The following NWD2 variants were observed in gnomAD, a reference collection of about 807,000 sequenced individuals.
NWD2 encodes NACHT and WD repeat domain containing 2, also known as NACHT and WD repeat domain-containing protein 2.
NWD2 carries 37 observed loss-of-function variants against 132.7 expected under a neutral mutation model. The observed-to-expected ratio is 0.28, with a 90% CI of 0.21 to 0.37. The LOEUF (loss-of-function observed/expected upper bound fraction) is 0.37. NWD2 is among the 10% of genes least tolerant of loss of function. The pLI is 1.00. For synonymous variants in NWD2, 705 were observed against 803.0 expected (o/e 0.88, Z 2.06); for missense variants, 1,592 against 2,122.4 (o/e 0.75, Z 4.91).
At chr4:37,296,590 G>T (rs1298576027) in intron 1 of NWD2, among the ~76,000 whole-genome samples, 1 of 152,128 alleles carries the variant, frequency 6.6e-6, no homozygotes, top group African/African-American at 2.4e-5. Context: ...TAACACAGGA[G>T]TAGAAACCCA....
chr4:37,279,587 TTATA>T (rs1022346717), intron 1 of NWD2, among the ~76,000 whole-genome samples: 2 of 152,194 alleles, frequency 1.3e-5, no homozygotes, highest in African/African-American at 4.8e-5. Flanking sequence ...ATATTTTACT[TTATA>T]TATCTTGTTA....
At chr4:37,336,863 T>C (rs567713639) in intron 2 of NWD2, among the ~76,000 whole-genome samples, 3 of 144,318 alleles carry the variant, frequency 2.1e-5, no homozygotes, top group East Asian at 2.1e-4. Flanking sequence ...CGCTTGAAAC[T>C]GGAAGGCGGA....
At chr4:37,409,248 G>A (rs1032834546) in intron 3 of NWD2, among the ~76,000 whole-genome samples, 1 of 151,962 alleles carries the variant, frequency 6.6e-6, no homozygotes, top group African/African-American at 2.4e-5. Context: ...TCACAAGGAA[G>A]CTAAAAACCT....
intron 3 of NWD2, among the ~76,000 whole-genome samples, chr4:37,377,969 A>C (rs538788519): frequency 6.6e-6 from 1 of 152,322 alleles, no homozygotes; most frequent in South Asian, 2.1e-4. Context: ...ATCATTCTAC[A>C]TTGTAAACAT....
At chr4:37,273,187 T>C (rs962063487) in intron 1 of NWD2, among the ~76,000 whole-genome samples, 2 of 151,902 alleles carry the variant, frequency 1.3e-5, no homozygotes, top group African/African-American at 4.8e-5. Context: ...TTAACAGATT[T>C]TTTTATTGCC....
chr4:37,374,170 C>G (rs936729494), intron 3 of NWD2, among the ~76,000 whole-genome samples: 1 of 152,170 alleles, frequency 6.6e-6, no homozygotes, highest in Non-Finnish European at 1.5e-5. Context: ...TGAGTTCTTG[C>G]CCTATTAGTT....
intron 2 of NWD2, among the ~76,000 whole-genome samples, chr4:37,344,400 G>T (rs1225462074): frequency 6.6e-6 from 1 of 152,072 alleles, no homozygotes; most frequent in Non-Finnish European, 1.5e-5. Flanking sequence ...ATTTAAGGGA[G>T]AAAAGCTGGA....
In NWD2 at chr4:37,356,380, C is replaced by T; in HGVS notation, c.255C>T (p.Tyr85=). ...YGLEFQVIDL[Y]WGVEEDEWDS... Reference sequence around the variant, plus strand: ...TCTGTCCCCAGGTCATAGATCTGTACTGGGGAGTGGAAGAAGATGAGTGGG... The same window carrying T: ...TCTGTCCCCAGGTCATAGATCTGTATTGGGGAGTGGAAGAAGATGAGTGGG... Residue 85 remains tyrosine, a synonymous_variant, in exon 3 of 7, where the codon TAC becomes TAT. Coordinates refer to ENST00000309447, the MANE Select transcript of NWD2 (RefSeq NM_001144990.2). 6.5e-7 allele frequency: 1 copy of T among 1,547,668 alleles called. No homozygotes were observed. The highest frequency in any genetic ancestry group is 1.2e-5 in the South Asian group (1 of 83,970).
At chr4:37,404,393 C>G (rs1424335458) in intron 3 of NWD2, among the ~76,000 whole-genome samples, 1 of 152,154 alleles carries the variant, frequency 6.6e-6, no homozygotes, top group African/African-American at 2.4e-5. Context: ...CTAGAAGGTC[C>G]TTTCCCACCC....
intron 3 of NWD2, among the ~76,000 whole-genome samples, chr4:37,356,879 C>T (rs1719881952): frequency 6.6e-6 from 1 of 152,162 alleles, no homozygotes. Context: ...CATTTTTTAA[C>T]AAAATGGCTG....
intron 2 of NWD2, among the ~76,000 whole-genome samples, chr4:37,334,668 A>C (rs1342586390): frequency 6.6e-6 from 1 of 152,134 alleles, no homozygotes; most frequent in African/African-American, 2.4e-5. Flanking sequence ...AGGGACCTCT[A>C]AAGGGGGTGT....
chr4:37,268,893 C>T (rs1267411473), intron 1 of NWD2, among the ~76,000 whole-genome samples: 1 of 151,746 alleles, frequency 6.6e-6, no homozygotes, highest in Non-Finnish European at 1.5e-5. Flanking sequence ...CATAGCCCAG[C>T]GGCATCTGAA....
chr4:37,422,850 T>TC (rs1208831850), intron 3 of NWD2, among the ~76,000 whole-genome samples: 2 of 152,216 alleles, frequency 1.3e-5, no homozygotes, highest in African/African-American at 4.8e-5. Context: ...CTCGAAATAT[T>TC]CTTTCTTTAT....
At chr4:37,357,793 A>G (rs1719900190) in intron 3 of NWD2, among the ~76,000 whole-genome samples, 1 of 152,096 alleles carries the variant, frequency 6.6e-6, no homozygotes, top group East Asian at 1.9e-4. Flanking sequence ...AAAAGAGAGA[A>G]TACCAGCGAG....
chr4:37,414,985 C>A (rs1711546938), intron 3 of NWD2, among the ~76,000 whole-genome samples: 1 of 152,212 alleles, frequency 6.6e-6, no homozygotes, highest in Admixed American at 6.5e-5. Context: ...AGCTTCTGCT[C>A]TGAACCACTG....
chr4:37,426,847 T>C (rs1000724858), intron 3 of NWD2, among the ~76,000 whole-genome samples: 2 of 152,128 alleles, frequency 1.3e-5, no homozygotes, highest in African/African-American at 4.8e-5. Context: ...TAGGAACCAA[T>C]CCATAGATTT....
chr4:37,447,513 C>A lies in NWD2; in HGVS notation c.*296C>A. 2.5e-6 allele frequency: 1 copy of A among 396,370 alleles called. No homozygotes were observed. The highest frequency in any genetic ancestry group is 3.9e-5 in the Admixed American group (1 of 25,366). The allele number at this position is 396,370 out of a possible 1,614,324, so 24.6% of individuals were successfully genotyped here. A position where few individuals can be genotyped will look rare whatever the true frequency, so the allele number is the denominator to read the frequency against. On this transcript the variant is annotated 3_prime_UTR_variant, in exon 7 of 7. Coordinates refer to ENST00000309447, the MANE Select transcript of NWD2 (RefSeq NM_001144990.2). ...TGTGGTGAGGCAGCATAATACATCC[C>A]ACTGGTTAAGATGAGAGAGGCTAGA...
chr4:37,318,951 T>A (rs1719013992), intron 1 of NWD2, among the ~76,000 whole-genome samples: 1 of 152,244 alleles, frequency 6.6e-6, no homozygotes, highest in African/African-American at 2.4e-5. Flanking sequence ...CAAATGCATC[T>A]GTATTTTTGG....
chr4:37,299,474 T>C (rs1265287622), intron 1 of NWD2, among the ~76,000 whole-genome samples: 1 of 152,162 alleles, frequency 6.6e-6, no homozygotes, highest in Non-Finnish European at 1.5e-5. Flanking sequence ...TTCCCCAATT[T>C]GGATCTCAAA....
Sources: allele counts gnomAD v4.1 joint callset (sites outside exome capture counted in the v4.1 genomes callset), GRCh38; gene constraint gnomAD v4.1.1; transcripts MANE v1.5; gene names NCBI Gene and HGNC (gene_info 2026-07-23, HGNC 2026-07-21).